The following PGAM1 variants were observed in gnomAD, a reference collection of about 807,000 sequenced individuals.
The protein encoded by PGAM1 is phosphoglycerate mutase 1, also known as BPG-dependent PGAM 1.
Under a neutral mutation model 23.5 loss-of-function variants are expected in PGAM1, and 21 were observed. The ratio of observed to expected loss-of-function variants is 0.89; its 90% CI spans 0.63 to 1.29. The LOEUF is 1.29. Ranked by LOEUF, PGAM1 falls within the 50% of genes most tolerant of loss-of-function variation. The pLI is 0.00. For synonymous variants in PGAM1, 109 were observed against 128.6 expected (o/e 0.85, Z 1.03); for missense variants, 232 against 336.3 (o/e 0.69, Z 2.42).
chr10:97,431,943 C>T (rs1845475450), intron 3 of PGAM1, among the ~76,000 whole-genome samples: 1 of 151,626 alleles, frequency 6.6e-6, no homozygotes, highest in South Asian at 2.1e-4. Flanking sequence ...TCTCCTTAGT[C>T]ACAACCAGGC....
chr10:97,427,984 C>G, intron 1 of PGAM1: 2 of 1,219,774 alleles, frequency 1.6e-6, no homozygotes, highest in Non-Finnish European at 2.2e-6. Flanking sequence ...TTTGAGATGG[C>G]CTGGTGTGAC....
chr10:97,430,058 A>AG (rs1360309373), intron 1 of PGAM1, among the ~76,000 whole-genome samples: 6 of 151,784 alleles, frequency 4.0e-5, no homozygotes, highest in African/African-American at 1.5e-4. Context: ...AAAAAAAAAA[A>AG]AAAAGAAAAG....
chr10:97,426,586 A>T lies in PGAM1; in HGVS notation c.139+140A>T, dbSNP rs1845412561. 3.5e-6 allele frequency: 4 copies of T among 1,134,110 alleles called. 1 individual carries two copies. The South Asian group carries it at 6.6e-5, about 19-fold the overall frequency. The allele number at this position is 1,134,110 out of a possible 1,614,324, so 70.3% of individuals were successfully genotyped here. On this transcript the variant is annotated intron_variant, in intron 1 of 3. Transcript: ENST00000334828. ...AACAGTTTAGTGTGTAGTTGAGAAG[A>T]TGAGTGCAGAGGGTAGAGTCTACTT...
intron 1 of PGAM1, among the ~76,000 whole-genome samples, chr10:97,428,976 C>CT (rs1285708088): frequency 1.3e-5 from 2 of 151,668 alleles, no homozygotes; most frequent in Non-Finnish European, 2.9e-5. Flanking sequence ...AGAGGGCCTT[C>CT]TAGCCTAATG....
chr10:97,430,533 CAATA>C lies in PGAM1; in HGVS notation c.297_300del (p.Asn99LysfsTer13), dbSNP rs1845458477. On this transcript the variant is annotated frameshift_variant, in exon 2 of 4. Coordinates refer to ENST00000334828, the MANE Select transcript of PGAM1 (RefSeq NM_002629.4). LOFTEE classifies it high-confidence loss of function. ...GGCACTATGGGGGTCTAACCGGTCT[CAATA>C]AAGCAGAAACTGCTGCAAAGCATGG... is the stretch of plus-strand genomic sequence containing the variant. 6.2e-7 allele frequency: 1 copy of C among 1,600,750 alleles called. No individual in the cohort carries two copies. Among genetic ancestry groups the C allele is most frequent in the African/African-American group, 1.3e-5 (1 of 74,860 alleles).
In PGAM1 at chr10:97,433,418, A is replaced by G. The variant is rs1263959142; in HGVS notation, c.*894A>G. ...TACTAAATCCTTTTTCCATATCAGT[A>G]TAATAAAGGAGTGATGTGCAATAGC... On this transcript the variant is annotated 3_prime_UTR_variant, in exon 4 of 4. Transcript: ENST00000334828. 5 of 152,658 alleles carry G rather than the reference A, an allele frequency of 3.3e-5. No individual in the cohort carries two copies. Among genetic ancestry groups the G allele is most frequent in the African/African-American group, 1.2e-4 (5 of 41,462 alleles). 9.5% of individuals were successfully genotyped at this position (152,658 alleles called of 1,614,324 possible).
chr10:97,426,199 G>C lies in PGAM1; in HGVS notation c.-109G>C. On this transcript the variant is annotated 5_prime_UTR_variant, in exon 1 of 4. Coordinates refer to ENST00000334828, the MANE Select transcript of PGAM1 (RefSeq NM_002629.4). ...AGTGGAAAGATTTGGGCGAGAACTTGCGCGGGAGCCGGACTGAGCGGTGCG... is the reference window on the plus strand; with the variant it reads ...AGTGGAAAGATTTGGGCGAGAACTTCCGCGGGAGCCGGACTGAGCGGTGCG... The C allele has an allele frequency of 2.0e-6, 3 of 1,529,504 alleles. No individual in the cohort carries two copies. The highest frequency in any genetic ancestry group is 1.1e-5 in the South Asian group (1 of 87,414). The allele number at this position is 1,529,504 out of a possible 1,614,324, so 94.7% of individuals were successfully genotyped here. A position where few individuals can be genotyped will look rare whatever the true frequency, so the allele number is the denominator to read the frequency against.
In PGAM1 at chr10:97,430,552, G is replaced by T. The variant is rs752859804; in HGVS notation, c.313G>T (p.Ala105Ser). 1 of 1,600,744 alleles carries T rather than the reference G, an allele frequency of 6.2e-7. No homozygotes were observed. The highest frequency in any genetic ancestry group is 8.5e-7 in the Non-Finnish European group (1 of 1,179,870). ...CGGTCTCAATAAAGCAGAAACTGCT[G>T]CAAAGCATGGTGAGGCCCAGGTGAA... The part of the protein sequence containing the change: ...LTGLNKAETA[A>S]KHGEAQVKIW... The change falls in exon 2 of 4, where the codon GCA (alanine) becomes TCA (serine). Residue 105 changes from alanine to serine, a missense_variant. Ala to Ser is a moderately conservative substitution (Grantham distance 99). This residue lies in a region of PGAM1 where 191 missense variants were observed against 241.7 expected (regional missense o/e 0.79). Transcript: ENST00000334828.
rs766560349 is a variant in PGAM1, at chr10:97,430,377, A to G, written c.140-2A>G. On this transcript the variant is annotated splice_acceptor_variant, in intron 1 of 3. Coordinates refer to ENST00000334828, the MANE Select transcript of PGAM1 (RefSeq NM_002629.4). LOFTEE classifies it high-confidence loss of function. ...TTATCACTTTGAACTTCTGATTTCC[A>G]GATGCTGGCTATGAGTTTGACATCT... is the stretch of plus-strand genomic sequence containing the variant. 1.9e-6 allele frequency: 3 copies of G among 1,611,846 alleles called. No homozygotes were observed. The highest frequency in any genetic ancestry group is 1.7e-6 in the Non-Finnish European group (2 of 1,179,866).
At chr10:97,430,043 C>CAA (rs71814636) in intron 1 of PGAM1, among the ~76,000 whole-genome samples, 71 of 69,716 alleles carry the variant, frequency 1.0e-3, no homozygotes, top group African/African-American at 2.5e-3. Context: ...GACTCCGTCT[C>CAA]AAAAAAAAAA....
Position 97,431,123 on chromosome 10 carries a change from A to C in PGAM1, c.583A>C (p.Lys195Gln), listed in dbSNP as rs144045445. Residue 195 changes from lysine (K) to glutamine (Q), a missense_variant, in exon 3 of 4, where the codon AAG becomes CAG. This residue lies in a region of PGAM1 where 191 missense variants were observed against 241.7 expected (regional missense o/e 0.79). Coordinates refer to ENST00000334828, the MANE Select transcript of PGAM1 (RefSeq NM_002629.4). The part of the protein sequence containing the change: ...AHGNSLRGIV[K>Q]HLEGLSEEAI... The stretch of plus-strand genomic sequence containing the variant: ...TGGCAACAGCCTCCGGGGCATTGTC[A>C]AGCATCTGGAGGGTATGTATGTTTT... 6.2e-7 allele frequency: 1 copy of C among 1,614,154 alleles called. No individual in the cohort carries two copies. The highest frequency in any genetic ancestry group is 1.1e-5 in the South Asian group (1 of 91,084).
chr10:97,430,787 C>T (rs1845462127), intron 2 of PGAM1, 134 bp downstream of exon 2: 4 of 1,470,714 alleles, frequency 2.7e-6, no homozygotes, highest in Non-Finnish European at 3.8e-6. Flanking sequence ...GAATGACCTT[C>T]ACTTACTAGA....
chr10:97,430,806 T>C, intron 2 of PGAM1, 149 bp from the exon 3 acceptor site: 4 of 1,469,120 alleles, frequency 2.7e-6, no homozygotes, highest in African/African-American at 1.4e-5. Flanking sequence ...GAAGATATGG[T>C]TGATAGTTTA....
rs368915410 is a variant in PGAM1 at position 97,427,971 on chromosome 10, T to A, written c.139+1525T>A. On this transcript the variant is annotated intron_variant, in intron 1 of 3. Transcript: ENST00000334828. ...CGGGGTGGGGTGGGCAGGGGAGTGA[T>A]TGTTTGAGATGGCCTGGTGTGACCT... is the stretch of plus-strand genomic sequence containing the variant. 418 of 1,271,418 alleles carry A rather than the reference T, an allele frequency of 3.3e-4. 3 individuals are homozygous for A. In the African/African-American group the frequency reaches 5.2e-3, roughly 16 times the overall value. The allele number at this position is 1,271,418 out of a possible 1,614,324, so 78.8% of individuals were successfully genotyped here.
Position 97,432,413 on chromosome 10 carries a change from T to A in PGAM1, c.654T>A (p.Tyr218Ter). 4 of 1,611,678 alleles carry A rather than the reference T, an allele frequency of 2.5e-6. No homozygotes were observed. Among genetic ancestry groups the A allele is most frequent in the Non-Finnish European group, 3.4e-6 (4 of 1,179,640 alleles). Reference sequence around the variant, plus strand: ...TGCCGACTGGTATTCCCATTGTCTATGAATTGGACAAGAACTTGAAGCCTA... The same window carrying A: ...TGCCGACTGGTATTCCCATTGTCTAAGAATTGGACAAGAACTTGAAGCCTA... ...LNLPTGIPIV[Y>*]ELDKNLKPIK... Residue 218 changes from tyrosine to a stop codon, truncating the protein, a stop_gained, in exon 4 of 4, where the codon TAT becomes TAA. Coordinates refer to ENST00000334828, the MANE Select transcript of PGAM1 (RefSeq NM_002629.4). LOFTEE classifies it high-confidence loss of function.
chr10:97,432,199 G>A lies in PGAM1; in HGVS notation c.596-156G>A, dbSNP rs1037976718. ...TAATGGCTGAGAAATAAGTATGGTG[G>A]GGGCCATTCCCTGGGTTCAGAACTA... is the stretch of plus-strand genomic sequence containing the variant. On this transcript the variant is annotated intron_variant, in intron 3 of 3. Transcript: ENST00000334828. Among the ~76,000 whole-genome samples, 7 of 152,304 alleles carry A rather than the reference G, an allele frequency of 4.6e-5. No individual in the cohort carries two copies. In the South Asian group the frequency reaches 1.5e-3, roughly 32 times the overall value.
chr10:97,427,915 C>T, intron 1 of PGAM1: 2 of 1,289,164 alleles, frequency 1.6e-6, no homozygotes, highest in South Asian at 1.2e-5. Flanking sequence ...TGAAGCAAAA[C>T]GCAGGACAGT....
At position 97,426,247 on chromosome 10, in the gene PGAM1, G is replaced by A. The variant is rs1484433016; in HGVS notation, c.-61G>A. On this transcript the variant is annotated 5_prime_UTR_variant, in exon 1 of 4. Coordinates refer to ENST00000334828, the MANE Select transcript of PGAM1 (RefSeq NM_002629.4). ...GCGAGCGCGCAGGCGCGGCCGACGG[G>A]GCGGGCTGCTACTCCGGAATCTGCT... The A allele has an allele frequency of 5.5e-5, 88 of 1,608,192 alleles. No homozygotes were observed. The highest frequency in any genetic ancestry group is 7.4e-5 in the Non-Finnish European group (87 of 1,178,272).
chr10:97,428,771 C>T (rs1177747100), intron 1 of PGAM1, among the ~76,000 whole-genome samples: 1 of 152,106 alleles, frequency 6.6e-6, no homozygotes, highest in Admixed American at 6.5e-5. Context: ...GTGATGAGAC[C>T]TGTTTTTTCT....
Sources: gnomAD v4.1 joint callset for allele counts (sites outside exome capture counted in the v4.1 genomes callset) on GRCh38, gnomAD v4.1.1 for gene constraint, gnomAD v4.1.1 regional missense constraint, MANE v1.5 for transcripts, NCBI Gene and HGNC (gene_info 2026-07-23, HGNC 2026-07-21) for gene names.